The following SLC35D1 variants were observed in gnomAD, a reference collection of about 807,000 sequenced individuals.
SLC35D1 encodes the protein solute carrier family 35 member D1.
In SLC35D1, 31 loss-of-function variants were observed where a neutral mutation model predicts 46.7. The ratio of observed to expected loss-of-function variants is 0.66; its 90% CI spans 0.50 to 0.90. The LOEUF is 0.90. SLC35D1 is among the 40% of genes least tolerant of loss of function. SLC35D1 has a pLI of 0.00. For synonymous variants in SLC35D1, 195 were observed against 164.6 expected (o/e 1.18, Z -1.41); for missense variants, 397 against 426.2 (o/e 0.93, Z 0.60).
rs370183764 is a variant in SLC35D1 at position 67,021,497 on chromosome 1, T to C, written c.797+38A>G. 5 of 1,607,350 alleles carry C rather than the reference T, an allele frequency of 3.1e-6. No individual in the cohort carries two copies. In the African/African-American group the frequency reaches 4.0e-5, roughly 13 times the overall value. On this transcript the variant is annotated intron_variant, in intron 9 of 11. Coordinates refer to ENST00000235345, the MANE Select transcript of SLC35D1 (RefSeq NM_015139.3). ...TGCAAATTTCTCTAACCTATTTCTT[T>C]AGGAAAACTATCTGCTAACAAGGTA...
chr1:66,981,674 G>C, the SLC35D1 span: 35 of 817,154 alleles, frequency 4.3e-5, no homozygotes, highest in African/African-American at 5.7e-4. Context: ...TGAATGTTAA[G>C]TGAATATTAG....
chr1:66,986,676 T>C, the SLC35D1 span: 1 of 506,018 alleles, frequency 2.0e-6, no homozygotes, highest in African/African-American at 1.9e-5. Context: ...TTCATCTTAA[T>C]GTACATTCAC....
the SLC35D1 span, among the ~76,000 whole-genome samples, chr1:66,990,379 A>T: frequency 6.6e-6 from 1 of 151,980 alleles, no homozygotes; most frequent in South Asian, 2.1e-4. Context: ...GACTGAAGGG[A>T]ATCCTCCCAC....
intron 8 of SLC35D1, among the ~76,000 whole-genome samples, chr1:67,026,178 A>G (rs1052396394): frequency 6.6e-6 from 1 of 152,158 alleles, no homozygotes; most frequent in Admixed American, 6.6e-5. Context: ...TTATGCTGAG[A>G]AAGTTCCCTT....
chr1:66,986,613 G>C, the SLC35D1 span: 1 of 678,408 alleles, frequency 1.5e-6, no homozygotes, highest in Non-Finnish European at 2.5e-6. Context: ...CTTCACCAAT[G>C]TGAACAACTT....
downstream of SLC35D1, among the ~76,000 whole-genome samples, chr1:66,998,702 A>G (rs930460803): frequency 7.9e-5 from 12 of 152,242 alleles, no homozygotes; most frequent in African/African-American, 2.4e-4. Flanking sequence ...ATGGAATAAC[A>G]TCAAGGGCGT....
chr1:67,052,748 A>G (rs746206601), intron 3 of SLC35D1, 23 bp downstream of exon 3: 1 of 1,611,600 alleles, frequency 6.2e-7, no homozygotes, highest in East Asian at 2.2e-5. Flanking sequence ...TCACAAAATA[A>G]AGTATCGCTT....
At chr1:67,015,278 C>T (rs925901659) in intron 10 of SLC35D1, among the ~76,000 whole-genome samples, 54 of 146,304 alleles carry the variant, frequency 3.7e-4, no homozygotes, top group African/African-American at 1.3e-3. Flanking sequence ...TATTTAAAAA[C>T]GTATAAAAAT....
rs557004723 is a variant in SLC35D1, at chr1:67,000,280, T to G, written c.*4060A>C. ...GCCTGGCTGGCGACAGAGCAAGACC[T>G]TCTTTCTTTTTTTTTTTTTTTTTTA... On this transcript the variant is annotated 3_prime_UTR_variant, in exon 12 of 12. Coordinates refer to ENST00000235345, the MANE Select transcript of SLC35D1 (RefSeq NM_015139.3). 68 of 149,674 alleles carry G rather than the reference T, an allele frequency of 4.5e-4. No individual in the cohort carries two copies. Among genetic ancestry groups the G allele is most frequent in the African/African-American group, 1.5e-3 (63 of 40,990 alleles). 9.3% of individuals were successfully genotyped at this position (149,674 alleles called of 1,614,324 possible). A position where few individuals can be genotyped will look rare whatever the true frequency, so the allele number is the denominator to read the frequency against.
At chr1:66,983,810 C>T in the SLC35D1 span, among the ~76,000 whole-genome samples, 1 of 152,200 alleles carries the variant, frequency 6.6e-6, no homozygotes, top group Non-Finnish European at 1.5e-5. Context: ...TCACTGCAAC[C>T]TCCGCCTCCT....
In SLC35D1 at chr1:67,047,252, G is replaced by T. The variant is rs1266904322; in HGVS notation, c.636+13C>A. The T allele has an allele frequency of 5.6e-6, 9 of 1,599,780 alleles. No individual in the cohort carries two copies. Among genetic ancestry groups the T allele is most frequent in the African/African-American group, 2.7e-5 (2 of 74,654 alleles). The stretch of plus-strand genomic sequence containing the variant: ...TCAGTACACAACTGTTAAAGCTTTA[G>T]ATTGCTACTTACTTTTGAATCTAAT... On this transcript the variant is annotated intron_variant, in intron 7 of 11. Coordinates refer to ENST00000235345, the MANE Select transcript of SLC35D1 (RefSeq NM_015139.3).
chr1:66,997,731 C>G (rs1404928547), downstream of SLC35D1, among the ~76,000 whole-genome samples: 2 of 145,656 alleles, frequency 1.4e-5, no homozygotes, highest in African/African-American at 5.0e-5. Context: ...TCTTAGAAAA[C>G]AGGAGGAAAG....
At chr1:67,014,441 A>T (rs1408245731) in intron 10 of SLC35D1, among the ~76,000 whole-genome samples, 1 of 152,060 alleles carries the variant, frequency 6.6e-6, no homozygotes, top group Middle Eastern at 3.2e-3. Context: ...TTATGGCTAA[A>T]ATTTAAAAAC....
intron 6 of SLC35D1, among the ~76,000 whole-genome samples, chr1:67,049,033 G>A (rs567469625): frequency 1.3e-5 from 2 of 152,268 alleles, no homozygotes; most frequent in East Asian, 3.9e-4. Context: ...GGTGGCTCAC[G>A]CCTGTAATCC....
At chr1:67,016,634 C>T (rs1667692176) in intron 10 of SLC35D1, among the ~76,000 whole-genome samples, 1 of 151,982 alleles carries the variant, frequency 6.6e-6, no homozygotes, top group Non-Finnish European at 1.5e-5. Flanking sequence ...TTATAATTTA[C>T]AACAATTGGG....
the SLC35D1 span, chr1:66,984,837 T>C: frequency 1.2e-6 from 2 of 1,609,762 alleles, no homozygotes; most frequent in Non-Finnish European, 1.7e-6. Context: ...CAGGTTCTTC[T>C]GAATTTTTCC....
intron 7 of SLC35D1, among the ~76,000 whole-genome samples, chr1:67,044,729 C>T (rs1645232653): frequency 1.3e-5 from 2 of 152,198 alleles, no homozygotes; most frequent in Non-Finnish European, 2.9e-5. Context: ...TCGATAGCCA[C>T]ATTCAGGTCT....
At chr1:67,022,245 T>C (rs764561553) in intron 8 of SLC35D1, among the ~76,000 whole-genome samples, 2 of 152,220 alleles carry the variant, frequency 1.3e-5, no homozygotes, top group Admixed American at 6.5e-5. Context: ...AAGTACCTAG[T>C]TGTTTTTGCA....
intron 7 of SLC35D1, among the ~76,000 whole-genome samples, chr1:67,046,206 G>A (rs1645249073): frequency 6.6e-6 from 1 of 152,064 alleles, no homozygotes; most frequent in Non-Finnish European, 1.5e-5. Flanking sequence ...AACCTACTGG[G>A]ATAGACATTG....
Sources: gnomAD v4.1 joint callset for allele counts (sites outside exome capture counted in the v4.1 genomes callset) on GRCh38, gnomAD v4.1.1 for gene constraint, MANE v1.5 for transcripts, NCBI Gene and HGNC (gene_info 2026-07-23, HGNC 2026-07-21) for gene names.